PITRM1: variants seen among roughly 807,000 people sequenced by gnomAD.
The protein encoded by PITRM1 is pitrilysin metallopeptidase 1, also known as presequence protease, mitochondrial.
Under a neutral mutation model 129.9 loss-of-function variants are expected in PITRM1, and 100 were observed. The observed-to-expected ratio is 0.77, with a 90% CI of 0.65 to 0.91. The LOEUF is 0.91. PITRM1 is among the 40% of genes least tolerant of loss of function. The probability of loss-of-function intolerance (pLI) is 0.00; values close to 1 mark genes in which losing one functional copy is unlikely to be tolerated. For synonymous variants in PITRM1, 591 were observed against 508.8 expected (o/e 1.16, Z -2.17); for missense variants, 1,471 against 1,318.3 (o/e 1.12, Z -1.79).
chr10:3,154,268 G>A (rs1841778936), intron 14 of PITRM1, among the ~76,000 whole-genome samples: 1 of 152,210 alleles, frequency 6.6e-6, no homozygotes, highest in African/African-American at 2.4e-5. Flanking sequence ...ATGGAAATCT[G>A]GGTTGTTTCA....
intron 10 of PITRM1, 24 bp from the exon 11 acceptor site, chr10:3,158,177 T>A (rs1305028006): frequency 7.4e-7 from 1 of 1,357,690 alleles, no homozygotes; most frequent in Non-Finnish European, 1.0e-6. Flanking sequence ...CCAGAAATGA[T>A]GCACTGGAAT....
At chr10:3,167,067 C>A in intron 2 of PITRM1, 25 bp from the exon 3 acceptor site, 1 of 1,439,706 alleles carries the variant, frequency 6.9e-7, no homozygotes, top group Non-Finnish European at 9.6e-7. Flanking sequence ...AAAACACGAC[C>A]AGTTAAACTT....
At chr10:3,143,814 TCA>T (rs1022630861) in intron 22 of PITRM1, 19 of 609,684 alleles carry the variant, frequency 3.1e-5, no homozygotes, top group African/African-American at 2.7e-4. Flanking sequence ...GCCGTTTATA[TCA>T]CAGTTACATA....
Position 3,137,967 on chromosome 10 carries a change from C to A in PITRM1, c.*64G>T. 1 of 945,802 alleles carries A rather than the reference C, an allele frequency of 1.1e-6. No individual in the cohort carries two copies. Among genetic ancestry groups the A allele is most frequent in the South Asian group, 1.5e-5 (1 of 66,272 alleles). The allele number at this position is 945,802 out of a possible 1,614,324, so 58.6% of individuals were successfully genotyped here. ...TTGGAAAAAGCAGTAGCATTTCTGA[C>A]TTTTCATATTCAGCTCGGAGGTGTA... On this transcript the variant is annotated 3_prime_UTR_variant, in exon 27 of 27. Transcript: ENST00000224949.
In PITRM1 at chr10:3,163,796, C is replaced by A. The variant is rs1016788927; in HGVS notation, c.720G>T (p.Leu240=). The part of the protein sequence containing the change: ...TYSVVSGGDP[L]CIPELTWEQL... ...GCTCCCATGTAAGCTCCGGGATGCA[C>A]AGTGGGTCACCCCCGGAGACCACTG... Residue 240 remains leucine, a synonymous_variant, in exon 7 of 27, where the codon CTG becomes CTT. Coordinates refer to ENST00000224949, the MANE Select transcript of PITRM1 (RefSeq NM_014889.4). 1 of 1,613,420 alleles carries A rather than the reference C, an allele frequency of 6.2e-7. No individual in the cohort carries two copies. Among genetic ancestry groups the A allele is most frequent in the African/African-American group, 1.3e-5 (1 of 75,010 alleles).
chr10:3,151,916 T>A (rs1841559193), intron 14 of PITRM1, among the ~76,000 whole-genome samples: 2 of 152,042 alleles, frequency 1.3e-5, no homozygotes, highest in Admixed American at 1.3e-4. Context: ...CTGTTTATTT[T>A]TATTTTTTTT....
In PITRM1 at chr10:3,147,973, G is replaced by A; in HGVS notation, c.2069+14C>T. 1 of 1,590,456 alleles carries A rather than the reference G, an allele frequency of 6.3e-7. No homozygotes were observed. ...TACACCCCAAGAATGGACAACTCTT[G>A]CAAATAAAGTTACTTGTTAAATATT... On this transcript the variant is annotated intron_variant, in intron 18 of 26. Transcript: ENST00000224949.
At position 3,147,133 on chromosome 10, in the gene PITRM1, A is replaced by G; in HGVS notation, c.2336+17T>C. ...AGAATGAATCATAAAATATTTAGAA[A>G]CAAATCACACATGCACCTCATATTA... On this transcript the variant is annotated intron_variant, in intron 20 of 26. Coordinates refer to ENST00000224949, the MANE Select transcript of PITRM1 (RefSeq NM_014889.4). 1 of 1,311,180 alleles carries G rather than the reference A, an allele frequency of 7.6e-7. No homozygotes were observed. The highest frequency in any genetic ancestry group is 1.1e-6 in the Non-Finnish European group (1 of 912,004). 81.2% of individuals were successfully genotyped at this position (1,311,180 alleles called of 1,614,324 possible). A position where few individuals can be genotyped will look rare whatever the true frequency, so the allele number is the denominator to read the frequency against.
chr10:3,148,356 G>A (rs1841137935), intron 16 of PITRM1, 65 bp from the exon 17 acceptor site: 26 of 1,522,734 alleles, frequency 1.7e-5, no homozygotes, highest in South Asian at 1.0e-4. Context: ...TTTTAAAATC[G>A]TGCATCTTGA....
intron 25 of PITRM1, 106 bp downstream of exon 25, chr10:3,138,797 AG>A: frequency 1.0e-6 from 1 of 998,924 alleles, no homozygotes; most frequent in Non-Finnish European, 1.6e-6. Flanking sequence ...GCAAGGATGG[AG>A]GCACCAGAAG....
At chr10:3,169,535 T>C (rs73579048) in intron 2 of PITRM1, among the ~76,000 whole-genome samples, 90 of 152,382 alleles carry the variant, frequency 5.9e-4, no homozygotes, top group African/African-American at 1.8e-3. Context: ...AGCCAACAGC[T>C]GGCCAAATAC....
At chr10:3,164,988 A>G (rs906161822) in intron 6 of PITRM1, among the ~76,000 whole-genome samples, 3 of 152,236 alleles carry the variant, frequency 2.0e-5, no homozygotes, top group African/African-American at 7.2e-5. Flanking sequence ...GTATGAAAAT[A>G]GCTTTTATCT....
intron 10 of PITRM1, among the ~76,000 whole-genome samples, chr10:3,158,529 G>A (rs539052943): frequency 6.6e-5 from 10 of 152,084 alleles, no homozygotes; most frequent in Non-Finnish European, 1.0e-4. Flanking sequence ...CAGCCTGGGC[G>A]ACAGGGAGAG....
intron 12 of PITRM1, 129 bp from the exon 13 acceptor site, chr10:3,157,193 A>T: frequency 2.2e-6 from 2 of 915,862 alleles, no homozygotes; most frequent in East Asian, 5.7e-5. Context: ...TTTATAACAA[A>T]AGTCATGTAA....
At chr10:3,141,791 G>GTTTTTTAATGATAC in intron 23 of PITRM1, 1 of 369,522 alleles carries the variant, frequency 2.7e-6, no homozygotes, top group Non-Finnish European at 5.7e-6. Flanking sequence ...AGGAAGGAGT[G>GTTTTTTAATGATAC]GGCGTGTTCC....
intron 23 of PITRM1, 24 bp downstream of exon 23, chr10:3,143,365 A>G (rs754109842): frequency 2.1e-6 from 3 of 1,426,334 alleles, no homozygotes; most frequent in Non-Finnish European, 3.0e-6. Context: ...CAGGCCTGAG[A>G]GGTCCCGACC....
chr10:3,172,415 G>A (rs1843458068), intron 1 of PITRM1, among the ~76,000 whole-genome samples: 2 of 152,178 alleles, frequency 1.3e-5, no homozygotes, highest in South Asian at 4.1e-4. Flanking sequence ...CGCAAATGCC[G>A]ACCCCATTTA....
chr10:3,163,845 C>T lies in PITRM1; in HGVS notation c.671G>A (p.Arg224Lys). The T allele has an allele frequency of 6.2e-7, 1 of 1,612,366 alleles. No individual in the cohort carries two copies. Among genetic ancestry groups the T allele is most frequent in the Non-Finnish European group, 8.5e-7 (1 of 1,179,024 alleles). ...TGAGTACGTGTGGTCAGGAAGAAGT[C>T]TGTTCTGAAGGTGCTGGGAGAATAT... Reference protein sequence around the residue: ...ERIFSQHLQNRLLPDHTYSVV... With the variant: ...ERIFSQHLQNKLLPDHTYSVV... The change falls in exon 7 of 27, where the codon AGA becomes AAA. Residue 224 changes from arginine to lysine, a missense_variant. Transcript: ENST00000224949.
chr10:3,139,111 C>T (rs1564380202), intron 24 of PITRM1, 62 bp from the exon 25 acceptor site: 15 of 1,436,058 alleles, frequency 1.0e-5, no homozygotes, highest in Admixed American at 1.7e-5. Flanking sequence ...TATGACAAAC[C>T]TCTGTCGACT....
Sources: allele counts gnomAD v4.1 joint callset (sites outside exome capture counted in the v4.1 genomes callset), GRCh38; gene constraint gnomAD v4.1.1; transcripts MANE v1.5; gene names NCBI Gene and HGNC (gene_info 2026-07-23, HGNC 2026-07-21).